The following DENND4C variants were observed in gnomAD, a reference collection of about 807,000 sequenced individuals.
DENND4C encodes the protein DENN domain-containing protein 4C.
DENND4C carries 108 observed loss-of-function variants against 203.0 expected under a neutral mutation model. The ratio of observed to expected loss-of-function variants is 0.53; its 90% CI spans 0.46 to 0.62. The LOEUF (loss-of-function observed/expected upper bound fraction) is 0.62. Ranked by LOEUF, DENND4C falls within the 20% of genes least tolerant of loss-of-function variation. The pLI, the probability that DENND4C is intolerant of heterozygous loss-of-function variation, is 0.00. For missense variants in DENND4C, 2,481 were observed against 2,301.2 expected (o/e 1.08, Z -1.60); for synonymous variants, 871 against 792.4 (o/e 1.10, Z -1.67).
intron 30 of DENND4C, among the ~76,000 whole-genome samples, chr9:19,368,302 C>T (rs979931177): frequency 2.0e-5 from 3 of 146,692 alleles, no homozygotes; most frequent in African/African-American, 7.6e-5. Context: ...GAACTATTAC[C>T]AGTTGTCTTT....
rs956986872 is a variant in DENND4C, at chr9:19,279,244, A to G, written c.305+2765A>G. On this transcript the variant is annotated intron_variant, in intron 2 of 32. Coordinates refer to ENST00000434457, the MANE Select transcript of DENND4C (RefSeq NM_001330640.2). ...CTCAGGAGGCTGAGGCAGGAGAATC[A>G]CTTGAACCCGGGAGGCGGAGGTTGC... Among the ~76,000 whole-genome samples the G allele has an allele frequency of 3.6e-5, 3 of 84,372 alleles. 1 individual carries two copies. In the East Asian group the frequency reaches 1.7e-3, roughly 49 times the overall value. 55.4% of individuals were successfully genotyped at this position (84,372 alleles called of 152,430 possible). A position where few individuals can be genotyped will look rare whatever the true frequency, so the allele number is the denominator to read the frequency against.
At chr9:19,290,255 C>T (rs1836020151) in intron 4 of DENND4C, among the ~76,000 whole-genome samples, 1 of 152,226 alleles carries the variant, frequency 6.6e-6, no homozygotes, top group South Asian at 2.1e-4. Context: ...GCCTTTTACA[C>T]TGCTTCCCTC....
intron 1 of DENND4C, among the ~76,000 whole-genome samples, chr9:19,237,266 A>G (rs1588706715): frequency 6.6e-6 from 1 of 151,408 alleles, no homozygotes; most frequent in Non-Finnish European, 1.5e-5. Context: ...TGATCCGCCC[A>G]CCTTGGCCTT....
intron 5 of DENND4C, among the ~76,000 whole-genome samples, chr9:19,293,094 T>G (rs1309835719): frequency 6.6e-6 from 1 of 152,218 alleles, no homozygotes; most frequent in African/African-American, 2.4e-5. Context: ...CTTGTTAGCT[T>G]AATAATCATT....
rs1023982603 is a variant in DENND4C, at chr9:19,237,837, G to A, written c.-18+7004G>A. The stretch of plus-strand genomic sequence containing the variant: ...TATACCCCCACACTAAAAAAGTAGC[G>A]ATAAGTGAAATTAAATTTAATGTAT... On this transcript the variant is annotated intron_variant, in intron 1 of 32. Transcript: ENST00000434457. 3.3e-5 allele frequency among the ~76,000 whole-genome samples: 5 copies of A among 152,052 alleles called. No homozygotes were observed. The South Asian group carries it at 6.2e-4, about 19-fold the overall frequency.
chr9:19,360,385 C>A lies in DENND4C; in HGVS notation c.5302C>A (p.Pro1768Thr). The change falls in exon 29 of 33, where the codon CCA becomes ACA. Residue 1768 changes from proline to threonine, a missense_variant. This residue lies in a region of DENND4C where 2,289 missense variants were observed against 2,113.3 expected (regional missense o/e 1.08). Coordinates refer to ENST00000434457, the MANE Select transcript of DENND4C (RefSeq NM_001330640.2). The stretch of plus-strand genomic sequence containing the variant: ...TACATCTTCTTTCATCAATCAACAT[C>A]CAATCATTTTCTGGAACCTCGTTTG... ...IHTSSFINQH[P>T]IIFWNLVWYF... The A allele has an allele frequency of 5.0e-6, 8 of 1,614,086 alleles. No homozygotes were observed. Among genetic ancestry groups the A allele is most frequent in the Non-Finnish European group, 6.8e-6 (8 of 1,179,984 alleles).
chr9:19,283,211 AAGAC>A (rs1834479791), intron 2 of DENND4C, among the ~76,000 whole-genome samples: 1 of 152,016 alleles, frequency 6.6e-6, no homozygotes, highest in Non-Finnish European at 1.5e-5. Context: ...TTAAGACAAA[AAGAC>A]ACATGTTAGC....
intron 1 of DENND4C, among the ~76,000 whole-genome samples, chr9:19,232,084 T>G (rs539560072): frequency 5.1e-4 from 77 of 152,332 alleles, no homozygotes; most frequent in African/African-American, 1.8e-3. Flanking sequence ...ATTAAAGGTA[T>G]CCTTTATTCT....
At chr9:19,251,170 G>A (rs912620551) in intron 1 of DENND4C, among the ~76,000 whole-genome samples, 3 of 152,204 alleles carry the variant, frequency 2.0e-5, no homozygotes, top group Non-Finnish European at 4.4e-5. Context: ...AAATCTAGGC[G>A]GTGGTTCGCA....
At chr9:19,327,396 A>T (rs940972719) in intron 15 of DENND4C, among the ~76,000 whole-genome samples, 2 of 152,068 alleles carry the variant, frequency 1.3e-5, no homozygotes, top group African/African-American at 2.4e-5. Context: ...TGTATGTTTA[A>T]GTATAATCTT....
In DENND4C at chr9:19,316,647, G is replaced by C. The variant is rs1841906438; in HGVS notation, c.1615G>C (p.Ala539Pro). 1 of 1,613,890 alleles carries C rather than the reference G, an allele frequency of 6.2e-7. No individual in the cohort carries two copies. Among genetic ancestry groups the C allele is most frequent in the Non-Finnish European group, 8.5e-7 (1 of 1,179,982 alleles). ...SVHQKTQEGS[A>P]IDMTPIEADF... ...TCACCAAAAAACTCAAGAAGGCTCA[G>C]CGATTGACATGACTCCAATTGAAGC... Residue 539 changes from alanine (A) to proline (P), a missense_variant, in exon 12 of 33, where the codon GCG becomes CCG. By Grantham distance (27) the Ala-to-Pro change is conservative (BLOSUM62 -1). Coordinates refer to ENST00000434457, the MANE Select transcript of DENND4C (RefSeq NM_001330640.2).
At chr9:19,349,859 A>G (rs919330006) in intron 23 of DENND4C, among the ~76,000 whole-genome samples, 2 of 152,198 alleles carry the variant, frequency 1.3e-5, no homozygotes, top group East Asian at 1.9e-4. Flanking sequence ...GTGAAAAACA[A>G]TATTCTAATT....
intron 13 of DENND4C, 68 bp downstream of exon 13, chr9:19,324,575 T>G (rs572606861): frequency 6.7e-7 from 1 of 1,492,622 alleles, no homozygotes; most frequent in African/African-American, 1.4e-5. Context: ...TTATCATTGT[T>G]ATTGTTAGTC....
intron 20 of DENND4C, among the ~76,000 whole-genome samples, chr9:19,338,731 A>G (rs919849664): frequency 6.6e-6 from 1 of 152,182 alleles, no homozygotes; most frequent in African/African-American, 2.4e-5. Context: ...ATTTCATGGC[A>G]CCACATTGCT....
chr9:19,280,574 G>T (rs1833851566), intron 2 of DENND4C, among the ~76,000 whole-genome samples: 1 of 152,058 alleles, frequency 6.6e-6, no homozygotes, highest in South Asian at 2.1e-4. Context: ...TCCTTAAGAA[G>T]ATAGGTAATA....
chr9:19,331,962 T>G lies in DENND4C; in HGVS notation c.2254-16T>G. 6.3e-7 allele frequency: 1 copy of G among 1,599,860 alleles called. No homozygotes were observed. On this transcript the variant is annotated splice_polypyrimidine_tract_variant and intron_variant, in intron 16 of 32. Transcript: ENST00000434457. ...TGAATTTTAGTAAATATCATAATATTTTATTCTCTTTCTAGGAAATAAAAA... is the reference window on the plus strand; with the variant it reads ...TGAATTTTAGTAAATATCATAATATGTTATTCTCTTTCTAGGAAATAAAAA...
intron 1 of DENND4C, among the ~76,000 whole-genome samples, chr9:19,238,083 CTTTTT>C (rs539266824): frequency 7.2e-6 from 1 of 138,402 alleles, no homozygotes. Flanking sequence ...TTCTTTCTTT[CTTTTT>C]TTTTTTTTTT....
At position 19,319,140 on chromosome 9, in the gene DENND4C, G is replaced by A. The variant is rs71508784; in HGVS notation, c.1807+2301G>A. 2.7e-5 allele frequency among the ~76,000 whole-genome samples: 4 copies of A among 148,740 alleles called. No homozygotes were observed. The Admixed American group carries it at 2.7e-4, about 10-fold the overall frequency. Reference sequence around the variant, plus strand: ...GCCAAGATCACTGTACTCCAGCCTGGGCAACAAGAGTGAAACTTCATCTCA... The same window carrying A: ...GCCAAGATCACTGTACTCCAGCCTGAGCAACAAGAGTGAAACTTCATCTCA... On this transcript the variant is annotated intron_variant, in intron 12 of 32. Transcript: ENST00000434457.
At chr9:19,333,264 A>C (rs377614191) in intron 17 of DENND4C, among the ~76,000 whole-genome samples, 62 of 150,362 alleles carry the variant, frequency 4.1e-4, no homozygotes, top group African/African-American at 1.4e-3. Flanking sequence ...CCATCCTTCT[A>C]CTTGGCCTCC....
Sources: allele counts gnomAD v4.1 joint callset (sites outside exome capture counted in the v4.1 genomes callset), GRCh38; gene constraint gnomAD v4.1.1; regional missense constraint gnomAD v4.1.1; transcripts MANE v1.5; gene names NCBI Gene and HGNC (gene_info 2026-07-23, HGNC 2026-07-21).